The following PHYHIPL variants were observed in gnomAD, a reference collection of about 807,000 sequenced individuals.
PHYHIPL encodes the protein phytanoyl-CoA 2-hydroxylase interacting protein like, also known as phytanoyl-CoA hydroxylase-interacting protein-like.
A neutral mutation model predicts 33.4 loss-of-function variants in PHYHIPL; 9 were observed. That is an observed-to-expected ratio of 0.27 (90% CI 0.16 to 0.47). The LOEUF is 0.47. PHYHIPL is among the 20% of genes least tolerant of loss of function. The probability of loss-of-function intolerance (pLI) is 0.99; values close to 1 mark genes in which losing one functional copy is unlikely to be tolerated. For synonymous variants in PHYHIPL, 153 were observed against 154.1 expected, an observed-to-expected ratio of 0.99 and a Z score of 0.05; for missense variants, 365 against 460.7, an observed-to-expected ratio of 0.79 and a Z score of 1.90.
chr10:59,233,755 C>T (rs1443150422), intron 1 of PHYHIPL, among the ~76,000 whole-genome samples: 3 of 151,776 alleles, frequency 2.0e-5, no homozygotes, highest in Non-Finnish European at 4.4e-5. Context: ...AAATTAAATT[C>T]ATCAAGGTTC....
intron 1 of PHYHIPL, among the ~76,000 whole-genome samples, chr10:59,225,886 A>G (rs747736990): frequency 4.6e-5 from 7 of 152,158 alleles, no homozygotes; most frequent in African/African-American, 1.2e-4. Flanking sequence ...CTTCCATATG[A>G]TGAAAAAACA....
At chr10:59,211,690 A>AAAAAG (rs1839450130) in intron 1 of PHYHIPL, among the ~76,000 whole-genome samples, 2 of 143,916 alleles carry the variant, frequency 1.4e-5, no homozygotes, top group Non-Finnish European at 1.5e-5. Context: ...AAAAAAAAAA[A>AAAAAG]GGTATTACAA....
At position 59,247,134 on chromosome 10, in the gene PHYHIPL, A is replaced by G. The variant is rs1274833199; in HGVS notation, c.*1543A>G. 2 of 156,880 alleles carry G rather than the reference A, an allele frequency of 1.3e-5. No homozygotes were observed. The highest frequency in any genetic ancestry group is 4.8e-5 in the African/African-American group (2 of 41,602). 9.7% of individuals were successfully genotyped at this position (156,880 alleles called of 1,614,324 possible). ...GTAGTAAATGTTTTATCACTCAAAA[A>G]TCCATTAGAAGTTTCAAATAAATTG... On this transcript the variant is annotated 3_prime_UTR_variant, in exon 5 of 5. Transcript: ENST00000373880.
chr10:59,207,863 C>A (rs983564946), intron 1 of PHYHIPL, among the ~76,000 whole-genome samples: 2 of 150,490 alleles, frequency 1.3e-5, no homozygotes, highest in Non-Finnish European at 2.9e-5. Context: ...TGCACTCCAG[C>A]CTGGGTGAGA....
chr10:59,207,173 C>A (rs1336508622), intron 1 of PHYHIPL, among the ~76,000 whole-genome samples: 1 of 148,490 alleles, frequency 6.7e-6, no homozygotes, highest in East Asian at 2.0e-4. Flanking sequence ...GTCTGCAGCT[C>A]CCAGTGAGAT....
intron 1 of PHYHIPL, among the ~76,000 whole-genome samples, chr10:59,194,853 T>C (rs566962679): frequency 3.9e-5 from 6 of 152,360 alleles, no homozygotes; most frequent in Admixed American, 2.0e-4. Context: ...CTAAATCGGA[T>C]AATTTATTGA....
chr10:59,193,610 CAT>C (rs1326921985), intron 1 of PHYHIPL, among the ~76,000 whole-genome samples: 4 of 152,144 alleles, frequency 2.6e-5, no homozygotes, highest in African/African-American at 9.7e-5. Context: ...TACAATAAGA[CAT>C]AGTCTCTTTT....
chr10:59,178,159 T>C (rs1390918538), intron 1 of PHYHIPL, among the ~76,000 whole-genome samples: 1 of 151,846 alleles, frequency 6.6e-6, no homozygotes, highest in African/African-American at 2.4e-5. Context: ...ACCGAATTTG[T>C]TTATTACTAA....
In PHYHIPL at chr10:59,236,644, A is replaced by G; in HGVS notation, c.465A>G (p.Glu155=). Reference sequence around the variant, plus strand: ...TGTCTGAATGGAGTGAAATTATAGAATTCTGCACCGCAGGTAAGAGAACTA... The same window carrying G: ...TGTCTGAATGGAGTGAAATTATAGAGTTCTGCACCGCAGGTAAGAGAACTA... ...YVVSEWSEII[E]FCTADYSKVH... is the part of the protein sequence containing the mutation. The change falls in exon 3 of 5, where the codon GAA becomes GAG. Residue 155 remains glutamate (E), a synonymous_variant. Coordinates refer to ENST00000373880, the MANE Select transcript of PHYHIPL (RefSeq NM_032439.4). 1 of 1,602,958 alleles carries G rather than the reference A, an allele frequency of 6.2e-7. No homozygotes were observed. The highest frequency in any genetic ancestry group is 1.1e-5 in the South Asian group (1 of 88,804).
chr10:59,218,539 A>C (rs1057309855), intron 1 of PHYHIPL, among the ~76,000 whole-genome samples: 9 of 152,182 alleles, frequency 5.9e-5, no homozygotes, highest in African/African-American at 2.2e-4. Context: ...ATAGAGTGCC[A>C]TAAGAGTTCT....
At chr10:59,185,237 G>A (rs1285079300) in intron 1 of PHYHIPL, among the ~76,000 whole-genome samples, 7 of 151,932 alleles carry the variant, frequency 4.6e-5, no homozygotes, top group South Asian at 2.1e-4. Flanking sequence ...TGATCCGCCC[G>A]CCTCGGCCTC....
intron 1 of PHYHIPL, among the ~76,000 whole-genome samples, chr10:59,229,147 A>G (rs1244581016): frequency 6.6e-6 from 1 of 152,214 alleles, no homozygotes; most frequent in Admixed American, 6.5e-5. Flanking sequence ...AGTAATCTTG[A>G]AAGCCAAGTA....
intron 4 of PHYHIPL, 21 bp from the exon 5 acceptor site, chr10:59,245,036 A>C: frequency 6.3e-7 from 1 of 1,585,140 alleles, no homozygotes; most frequent in Non-Finnish European, 8.6e-7. Flanking sequence ...TTAAGCAGTG[A>C]CCACTTGTTT....
chr10:59,194,095 T>C (rs1376542544), intron 1 of PHYHIPL, among the ~76,000 whole-genome samples: 3 of 149,334 alleles, frequency 2.0e-5, no homozygotes, highest in Admixed American at 6.7e-5. Context: ...TTTTTTTTTT[T>C]TTTTTTGAGG....
upstream of PHYHIPL, among the ~76,000 whole-genome samples, chr10:59,175,949 C>T (rs2133166360): frequency 6.6e-6 from 1 of 152,342 alleles, no homozygotes; most frequent in South Asian, 2.1e-4. Context: ...ATGTCTGCCG[C>T]CTTTTCAGCA....
Position 59,247,539 on chromosome 10 carries a change from C to T in PHYHIPL, c.*1948C>T. 2 of 1,588,684 alleles carry T rather than the reference C, an allele frequency of 1.3e-6. No individual in the cohort carries two copies. The highest frequency in any genetic ancestry group is 8.6e-7 in the Non-Finnish European group (1 of 1,163,438). On this transcript the variant is annotated 3_prime_UTR_variant, in exon 5 of 5. Coordinates refer to ENST00000373880, the MANE Select transcript of PHYHIPL (RefSeq NM_032439.4). Reference sequence around the variant, plus strand: ...TTCCATTTTCATTGTGTCAAAACTACTTAGCAAGGATGGCAGAGGAAAATA... The same window carrying T: ...TTCCATTTTCATTGTGTCAAAACTATTTAGCAAGGATGGCAGAGGAAAATA...
At chr10:59,208,063 C>T (rs760063577) in intron 1 of PHYHIPL, among the ~76,000 whole-genome samples, 4 of 152,124 alleles carry the variant, frequency 2.6e-5, no homozygotes, top group South Asian at 2.1e-4. Context: ...GCACAGCACT[C>T]GAGCTCTGCT....
At chr10:59,180,294 A>AATAT (rs71006236) in intron 1 of PHYHIPL, among the ~76,000 whole-genome samples, 2 of 134,012 alleles carry the variant, frequency 1.5e-5, no homozygotes, top group African/African-American at 5.7e-5. Context: ...ACACATATAT[A>AATAT]ATATATATAT....
chr10:59,221,233 A>T (rs767069173), intron 1 of PHYHIPL, among the ~76,000 whole-genome samples: 14 of 151,856 alleles, frequency 9.2e-5, no homozygotes, highest in Admixed American at 5.9e-4. Context: ...TTTCAACTTG[A>T]TTTGCTGGAT....
Sources: gnomAD v4.1 joint callset for allele counts (sites outside exome capture counted in the v4.1 genomes callset) on GRCh38, gnomAD v4.1.1 for gene constraint, MANE v1.5 for transcripts, NCBI Gene and HGNC (gene_info 2026-07-23, HGNC 2026-07-21) for gene names.